The following MBD5 variants were observed in gnomAD, a reference collection of about 807,000 sequenced individuals.
The protein encoded by MBD5 is methyl-CpG-binding domain protein 5.
Under a neutral mutation model 117.3 loss-of-function variants are expected in MBD5, and 13 were observed. The ratio of observed to expected loss-of-function variants is 0.11; its 90% confidence interval spans 0.07 to 0.18. The LOEUF (loss-of-function observed/expected upper bound fraction) is 0.18. Among genes scored for constraint, MBD5 ranks in the 10% least tolerant of loss-of-function variants. The pLI is 1.00. For missense variants in MBD5, 1,879 were observed against 2,093.8 expected (o/e 0.90, Z 2.00); for synonymous variants, 727 against 766.4 (o/e 0.95, Z 0.85).
intron 8 of MBD5, among the ~76,000 whole-genome samples, chr2:148,473,740 T>C (rs1220693593): frequency 1.3e-5 from 2 of 152,092 alleles, no homozygotes; most frequent in Non-Finnish European, 2.9e-5. Flanking sequence ...GCAAAGATAG[T>C]AGCAAAATCA....
At chr2:148,048,383 AAC>A (rs893036215) in intron 1 of MBD5, among the ~76,000 whole-genome samples, 1 of 152,272 alleles carries the variant, frequency 6.6e-6, no homozygotes, top group African/African-American at 2.4e-5. Context: ...AAGATGAGTA[AAC>A]ACAACATCTG....
intron 4 of MBD5, among the ~76,000 whole-genome samples, chr2:148,354,272 C>G (rs1703317385): frequency 6.6e-6 from 1 of 151,936 alleles, no homozygotes; most frequent in Non-Finnish European, 1.5e-5. Context: ...TGCCCTCCAC[C>G]CCCCACCAAC....
intron 4 of MBD5, among the ~76,000 whole-genome samples, chr2:148,452,594 G>GA (rs5835191): frequency 1.3e-5 from 2 of 151,492 alleles, no homozygotes; most frequent in Middle Eastern, 3.4e-3. Flanking sequence ...AGCAAAATGA[G>GA]AAAAAAAAAA....
In MBD5 at chr2:148,463,782, C is replaced by T. The variant is rs1304426106; in HGVS notation, c.260C>T (p.Ala87Val). 1 of 1,613,708 alleles carries T rather than the reference C, an allele frequency of 6.2e-7. No homozygotes were observed. The highest frequency in any genetic ancestry group is 8.5e-7 in the Non-Finnish European group (1 of 1,179,774). ...GGAGCTGCTGTGAAACAGAGAACCG[C>T]AGAAGATGTTAAGGCAGATGAAGAT... The part of the protein sequence containing the change: ...DPGAAVKQRT[A>V]EDVKADEDVT... The change falls in exon 7 of 14, where the codon GCA becomes GTA. Residue 87 changes from alanine to valine, a missense_variant. Ala to Val is a moderately conservative substitution (Grantham distance 64). Transcript: ENST00000642680.
intron 4 of MBD5, among the ~76,000 whole-genome samples, chr2:148,384,594 G>A (rs1279063487): frequency 1.3e-5 from 2 of 151,946 alleles, no homozygotes; most frequent in Non-Finnish European, 2.9e-5. Flanking sequence ...CTTTCTTCAT[G>A]GAATTGGAAA....
intron 11 of MBD5, among the ~76,000 whole-genome samples, chr2:148,499,219 T>C (rs1574494654): frequency 6.6e-6 from 1 of 152,164 alleles, no homozygotes; most frequent in Non-Finnish European, 1.5e-5. Flanking sequence ...GGAAGATTAC[T>C]TGAAGCCCAG....
intron 3 of MBD5, among the ~76,000 whole-genome samples, chr2:148,289,869 A>G (rs867831530): frequency 3.9e-5 from 6 of 152,244 alleles, no homozygotes; most frequent in Middle Eastern, 3.4e-3. Context: ...ACAGTTTAAT[A>G]GTTATTTGGT....
intron 1 of MBD5, among the ~76,000 whole-genome samples, chr2:148,083,829 T>C (rs2105177640): frequency 6.6e-6 from 1 of 152,272 alleles, no homozygotes; most frequent in Admixed American, 6.5e-5. Context: ...GGTTTCACTA[T>C]GTTGCTGAGA....
intron 1 of MBD5, among the ~76,000 whole-genome samples, chr2:148,031,406 A>G (rs1338551982): frequency 6.6e-6 from 1 of 152,080 alleles, no homozygotes; most frequent in East Asian, 1.9e-4. Context: ...ACCTGAGTTA[A>G]TCAGGGTTTA....
At chr2:148,186,639 T>C (rs1408794537) in intron 2 of MBD5, among the ~76,000 whole-genome samples, 1 of 152,226 alleles carries the variant, frequency 6.6e-6, no homozygotes, top group Non-Finnish European at 1.5e-5. Context: ...ATTTTGCCGT[T>C]GTGATTTGGA....
chr2:148,397,587 C>G (rs1262584270), intron 4 of MBD5, among the ~76,000 whole-genome samples: 1 of 152,166 alleles, frequency 6.6e-6, no homozygotes, highest in Non-Finnish European at 1.5e-5. Context: ...CCTCGGCCTC[C>G]CAAAGTGCTG....
At chr2:148,113,100 C>T (rs1696541573) in intron 1 of MBD5, among the ~76,000 whole-genome samples, 2 of 152,162 alleles carry the variant, frequency 1.3e-5, no homozygotes, top group African/African-American at 2.4e-5. Flanking sequence ...AGCCATGCCC[C>T]TCATTATTAT....
intron 1 of MBD5, among the ~76,000 whole-genome samples, chr2:148,174,081 C>CA (rs905740810): frequency 5.3e-4 from 80 of 151,508 alleles, no homozygotes; most frequent in African/African-American, 1.9e-3. Context: ...GTAGTGCTAG[C>CA]AAAAAAAATT....
Position 148,470,238 on chromosome 2 carries a change from C to T in MBD5, c.2295C>T (p.Asn765=), listed in dbSNP as rs752044751. The T allele has an allele frequency of 1.9e-6, 3 of 1,613,974 alleles. No individual in the cohort carries two copies. The East Asian group carries it at 6.7e-5, about 36-fold the overall frequency. Residue 765 remains asparagine, a synonymous_variant, in exon 8 of 14, where the codon AAC becomes AAT. Coordinates refer to ENST00000642680, the MANE Select transcript of MBD5 (RefSeq NM_001378120.1). ...RGEAVHCHNA[N]TNFVHSNSPV... ...AAGCCGTGCACTGCCACAATGCAAACACTAACTTTGTTCACAGTAACAGTC... is the reference window on the plus strand; with the variant it reads ...AAGCCGTGCACTGCCACAATGCAAATACTAACTTTGTTCACAGTAACAGTC...
chr2:148,234,260 A>G (rs892300777), intron 3 of MBD5, among the ~76,000 whole-genome samples: 1 of 152,162 alleles, frequency 6.6e-6, no homozygotes, highest in Non-Finnish European at 1.5e-5. Flanking sequence ...CTATATATAT[A>G]TGCTTAGAAT....
At chr2:148,498,682 G>A (rs1681780103) in intron 11 of MBD5, among the ~76,000 whole-genome samples, 2 of 152,156 alleles carry the variant, frequency 1.3e-5, no homozygotes, top group South Asian at 4.1e-4. Context: ...TTCGAGGGTT[G>A]GTTTGGCTCT....
intron 4 of MBD5, among the ~76,000 whole-genome samples, chr2:148,353,274 C>A (rs1250014276): frequency 1.3e-5 from 2 of 152,064 alleles, no homozygotes; most frequent in Non-Finnish European, 2.9e-5. Context: ...TGATGGAAAA[C>A]CTCTGAAGGG....
At chr2:148,320,933 C>G (rs1702266273) in intron 3 of MBD5, among the ~76,000 whole-genome samples, 1 of 151,936 alleles carries the variant, frequency 6.6e-6, no homozygotes. Context: ...TTTTGTTTGT[C>G]TTTTCAGAGG....
intron 3 of MBD5, among the ~76,000 whole-genome samples, chr2:148,251,170 G>A: frequency 6.6e-6 from 1 of 152,146 alleles, no homozygotes; most frequent in East Asian, 1.9e-4. Context: ...TCAGAACAGT[G>A]CAAGAAGTCT....
Sources: gnomAD v4.1 joint callset for allele counts (sites outside exome capture counted in the v4.1 genomes callset) on GRCh38, gnomAD v4.1.1 for gene constraint, MANE v1.5 for transcripts, NCBI Gene and HGNC (gene_info 2026-07-23, HGNC 2026-07-21) for gene names.